The following DHX15 variants were observed in gnomAD, a reference collection of about 807,000 sequenced individuals.
The protein encoded by DHX15 is DEAH-box helicase 15.
Under a neutral mutation model 94.4 loss-of-function variants are expected in DHX15, and 11 were observed. The ratio of observed to expected loss-of-function variants is 0.12; its 90% CI spans 0.07 to 0.19. The LOEUF (loss-of-function observed/expected upper bound fraction) is 0.19. Ranked by LOEUF, DHX15 falls within the 10% of genes least tolerant of loss-of-function variation. The probability of loss-of-function intolerance (pLI) is 1.00; values close to 1 mark genes in which losing one functional copy is unlikely to be tolerated. For synonymous variants in DHX15, 338 were observed against 329.9 expected (o/e 1.02, Z -0.27); for missense variants, 304 against 988.5 (o/e 0.31, Z 9.29).
chr4:24,583,708 T>C (rs1340039561), intron 1 of DHX15, among the ~76,000 whole-genome samples: 16 of 152,224 alleles, frequency 1.1e-4, no homozygotes, highest in Non-Finnish European at 2.9e-5. Context: ...CTCCACGTTT[T>C]CCTTTCTCCC....
At chr4:24,569,047 T>C (rs1193721276) in intron 3 of DHX15, among the ~76,000 whole-genome samples, 4 of 152,136 alleles carry the variant, frequency 2.6e-5, no homozygotes, top group Non-Finnish European at 5.9e-5. Context: ...ATCAAAGAAT[T>C]AGAAAAAACT....
intron 3 of DHX15, among the ~76,000 whole-genome samples, chr4:24,565,861 C>T (rs547708210): frequency 1.2e-4 from 18 of 152,192 alleles, no homozygotes; most frequent in Non-Finnish European, 2.2e-4. Context: ...GATCTCAGAA[C>T]AACCCTATCA....
chr4:24,567,795 A>G (rs1722027400), intron 3 of DHX15, among the ~76,000 whole-genome samples: 1 of 152,210 alleles, frequency 6.6e-6, no homozygotes. Flanking sequence ...CACTCCAAGA[A>G]AACAGGAAAG....
At chr4:24,562,103 TC>T (rs1721885310) in intron 3 of DHX15, among the ~76,000 whole-genome samples, 1 of 116,676 alleles carries the variant, frequency 8.6e-6, no homozygotes, top group Admixed American at 1.3e-4. Flanking sequence ...GTCACTGCAC[TC>T]CAGCCTGGAA....
chr4:24,575,427 G>A (rs901959647), intron 2 of DHX15, among the ~76,000 whole-genome samples: 1 of 152,146 alleles, frequency 6.6e-6, no homozygotes, highest in South Asian at 2.1e-4. Flanking sequence ...TCAGGCTTAA[G>A]TGTATAAAGA....
At chr4:24,528,246 T>C (rs1164972344) in intron 13 of DHX15, among the ~76,000 whole-genome samples, 1 of 152,174 alleles carries the variant, frequency 6.6e-6, no homozygotes, top group Non-Finnish European at 1.5e-5. Context: ...GATGTGAATT[T>C]TCTGATGTTG....
Position 24,529,678 on chromosome 4 carries a change from A to G in DHX15, c.2193T>C (p.Pro731=), listed in dbSNP as rs768526604. The change falls in exon 13 of 14, where the codon CCT becomes CCC. Residue 731 remains proline, a synonymous_variant. Coordinates refer to ENST00000336812, the MANE Select transcript of DHX15 (RefSeq NM_001358.3). The part of the protein sequence containing the change: ...LHPSTVLDHK[P]EWVLYNEFVL... ...CAAACTCATTATAAAGCACCCATTC[A>G]GGTTTGTGGTCAAGAACAGTAGAGG... 2 of 1,614,060 alleles carry G rather than the reference A, an allele frequency of 1.2e-6. No individual in the cohort carries two copies. The highest frequency in any genetic ancestry group is 1.7e-6 in the Non-Finnish European group (2 of 1,180,014).
intron 3 of DHX15, among the ~76,000 whole-genome samples, chr4:24,566,460 T>A (rs918594493): frequency 2.6e-5 from 4 of 152,174 alleles, no homozygotes; most frequent in Admixed American, 6.5e-5. Flanking sequence ...GCTATGGCAA[T>A]GCCCTGTAAT....
intron 4 of DHX15, among the ~76,000 whole-genome samples, chr4:24,555,743 C>T (rs1022817541): frequency 6.6e-6 from 1 of 152,164 alleles, no homozygotes; most frequent in African/African-American, 2.4e-5. Flanking sequence ...GTTTTAGGCC[C>T]TTAATCAATA....
chr4:24,535,394 G>C (rs1249759409), intron 11 of DHX15, among the ~76,000 whole-genome samples: 1 of 152,148 alleles, frequency 6.6e-6, no homozygotes, highest in Admixed American at 6.5e-5. Context: ...AATAGGTTAT[G>C]TATCTCTTGG....
intron 1 of DHX15, among the ~76,000 whole-genome samples, chr4:24,578,420 A>C (rs1722324236): frequency 6.6e-6 from 1 of 151,706 alleles, no homozygotes. Flanking sequence ...CAAATGGTTC[A>C]AATACTTGAC....
intron 5 of DHX15, among the ~76,000 whole-genome samples, chr4:24,551,542 C>T (rs1721604912): frequency 1.3e-5 from 2 of 151,996 alleles, no homozygotes. Context: ...GTTACTAGAT[C>T]CTCCTTTGAA....
chr4:24,567,115 C>T (rs376977524), intron 3 of DHX15, among the ~76,000 whole-genome samples: 12 of 151,940 alleles, frequency 7.9e-5, no homozygotes, highest in African/African-American at 1.9e-4. Context: ...TTACAGCTTA[C>T]GAAAAAATAA....
chr4:24,560,299 T>C (rs1721841666), intron 3 of DHX15, among the ~76,000 whole-genome samples: 1 of 152,008 alleles, frequency 6.6e-6, no homozygotes, highest in Non-Finnish European at 1.5e-5. Flanking sequence ...AAATCATTTT[T>C]ATAAAATGAA....
At chr4:24,547,907 A>G (rs71618537) in intron 6 of DHX15, among the ~76,000 whole-genome samples, 3,676 of 14,310 alleles carry the variant, frequency 0.26, 256 homozygotes, top group African/African-American at 0.38. Context: ...GTATGTGTAT[A>G]TATATATATA....
chr4:24,567,437 C>T (rs377457837), intron 3 of DHX15, among the ~76,000 whole-genome samples: 23 of 151,992 alleles, frequency 1.5e-4, no homozygotes, highest in Admixed American at 3.9e-4. Flanking sequence ...ATTAGCTGGG[C>T]GTGGTGGCGG....
rs1362494235 is a variant in DHX15 at position 24,540,134 on chromosome 4, A to C, written c.1760T>G (p.Val587Gly). The change falls in exon 10 of 14, where the codon GTC (valine) becomes GGC (glycine). Residue 587 changes from valine (V) to glycine (G), a missense_variant. Val to Gly is a moderately radical substitution (Grantham distance 109). This residue lies in a region of DHX15 where 14 missense variants were observed against 24.5 expected (regional missense o/e 0.57). Coordinates refer to ENST00000336812, the MANE Select transcript of DHX15 (RefSeq NM_001358.3). ...TGACAACATAGCAGTAATAGATAGG[A>C]CCTCATTAGAACAGTTGTAGTCACA... is the stretch of plus-strand genomic sequence containing the variant. The part of the protein sequence containing the change: ...ASCDYNCSNE[V>G]LSITAMLSVP... The C allele has an allele frequency of 6.2e-7, 1 of 1,608,322 alleles. No homozygotes were observed. Among genetic ancestry groups the C allele is most frequent in the Non-Finnish European group, 8.5e-7 (1 of 1,177,086 alleles).
Position 24,541,899 on chromosome 4 carries a change from C to A in DHX15, c.1459G>T (p.Glu487Ter). The A allele has an allele frequency of 6.2e-7, 1 of 1,602,768 alleles. No individual in the cohort carries two copies. The highest frequency in any genetic ancestry group is 8.5e-7 in the Non-Finnish European group (1 of 1,172,424). ...RPGKCFRLYT[E>*]KAYKTEMQDN... ...TGCATTTCTGTTTTATAAGCTTTCT[C>A]TGTGTAAAGTCTGAAGCATTTTCCA... Residue 487 changes from glutamate (E) to a stop codon, truncating the protein, a stop_gained, in exon 8 of 14, where the codon GAG becomes TAG. Transcript: ENST00000336812. LOFTEE classifies it high-confidence loss of function.
chr4:24,557,217 C>A (rs890520752), intron 3 of DHX15, among the ~76,000 whole-genome samples: 1 of 152,152 alleles, frequency 6.6e-6, no homozygotes, highest in Non-Finnish European at 1.5e-5. Flanking sequence ...TATCTCCTGT[C>A]CATTCCACAC....
Sources: allele counts gnomAD v4.1 joint callset (sites outside exome capture counted in the v4.1 genomes callset), GRCh38; gene constraint gnomAD v4.1.1; regional missense constraint gnomAD v4.1.1; transcripts MANE v1.5; gene names NCBI Gene and HGNC (gene_info 2026-07-23, HGNC 2026-07-21).